The following CYP2C19 variants were observed in gnomAD, a reference collection of about 807,000 sequenced individuals.
The protein encoded by CYP2C19 is cytochrome P450 2C19.
Under a neutral mutation model 40.9 loss-of-function variants are expected in CYP2C19, and 59 were observed. The observed-to-expected ratio is 1.44, with a 90% CI of 1.17 to 1.79. The LOEUF is 1.79. CYP2C19 is among the 40% of genes most tolerant of loss of function. The probability of loss-of-function intolerance (pLI) is 0.00; values close to 1 mark genes in which losing one functional copy is unlikely to be tolerated. For synonymous variants in CYP2C19, 253 were observed against 208.7 expected, an observed-to-expected ratio of 1.21 and a Z score of -1.83; for missense variants, 754 against 596.9, an observed-to-expected ratio of 1.26 and a Z score of -2.74.
At position 94,853,331 on chromosome 10, in the gene CYP2C19, A is replaced by T. The variant is rs1273347908; in HGVS notation, c.*417A>T. 4 of 400,220 alleles carry T rather than the reference A, an allele frequency of 1.0e-5. No homozygotes were observed. Among genetic ancestry groups the T allele is most frequent in the African/African-American group, 6.6e-5 (3 of 45,536 alleles). 24.8% of individuals were successfully genotyped at this position (400,220 alleles called of 1,614,324 possible). A position where few individuals can be genotyped will look rare whatever the true frequency, so the allele number is the denominator to read the frequency against. ...AAATTAAAGAAAATAGAGTTCCAGG[A>T]GGCCATGCTGGTTCTCAAAACGATA... On this transcript the variant is annotated 3_prime_UTR_variant, in exon 9 of 9. Transcript: ENST00000371321.
At chr10:94,785,523 G>T (rs1848529777) in intron 5 of CYP2C19, among the ~76,000 whole-genome samples, 1 of 152,040 alleles carries the variant, frequency 6.6e-6, no homozygotes. Flanking sequence ...TGGTCTTGAT[G>T]TCTATCTTTA....
intron 6 of CYP2C19, 63 bp downstream of exon 6, chr10:94,820,700 G>A: frequency 6.3e-7 from 1 of 1,595,762 alleles, no homozygotes; most frequent in Non-Finnish European, 8.6e-7. Flanking sequence ...TGCTGCTAGT[G>A]TTCTCCTTTC....
intron 5 of CYP2C19, among the ~76,000 whole-genome samples, chr10:94,805,606 G>A (rs887721612): frequency 1.4e-4 from 21 of 152,132 alleles, no homozygotes; most frequent in South Asian, 4.1e-4. Context: ...ACTCTTGGCC[G>A]GGCATTGTAG....
In CYP2C19 at chr10:94,852,910, T is replaced by C. The variant is rs1232150515; in HGVS notation, c.1469T>C (p.Val490Ala). 1 of 1,613,936 alleles carries C rather than the reference T, an allele frequency of 6.2e-7. No homozygotes were observed. The highest frequency in any genetic ancestry group is 1.1e-5 in the South Asian group (1 of 91,080). Reference protein sequence around the residue: ...PPFYQLCFIPV With the variant: ...PPFYQLCFIPA ...TTCTATCAGCTGTGCTTCATTCCTG[T>C]CTGAAGAAGCACAGATGGTCTGGCT... Residue 490 changes from valine (V) to alanine (A), a missense_variant, in exon 9 of 9, where the codon GTC (valine) becomes GCC (alanine). Val to Ala is a moderately conservative substitution (Grantham distance 64). Transcript: ENST00000371321.
chr10:94,772,471 TTGTC>T (rs1165656718), intron 1 of CYP2C19, among the ~76,000 whole-genome samples: 1 of 152,058 alleles, frequency 6.6e-6, no homozygotes, highest in Non-Finnish European at 1.5e-5. Context: ...AAGAGGAAGT[TTGTC>T]TGGCAGGCAT....
chr10:94,801,807 C>T (rs557231158), intron 5 of CYP2C19, among the ~76,000 whole-genome samples: 9 of 152,262 alleles, frequency 5.9e-5, no homozygotes, highest in Non-Finnish European at 2.9e-5. Flanking sequence ...GGATAGTTAG[C>T]TCTTCTTGTT....
intron 6 of CYP2C19, among the ~76,000 whole-genome samples, chr10:94,820,865 A>G (rs1353844195): frequency 6.6e-6 from 1 of 152,166 alleles, no homozygotes; most frequent in East Asian, 1.9e-4. Flanking sequence ...TGGGTGGACC[A>G]TTGAGGCTAG....
At chr10:94,852,296 C>A (rs112811345) in intron 8 of CYP2C19, among the ~76,000 whole-genome samples, 3 of 152,130 alleles carry the variant, frequency 2.0e-5, no homozygotes, top group Non-Finnish European at 4.4e-5. Flanking sequence ...GGAAAAAAAT[C>A]TTTGGCTGCA....
rs1849713606 is a variant in CYP2C19, at chr10:94,855,211, A to G, written c.*2297A>G. ...CCCTTGTGATTACATGAAACCCACC[A>G]GTGTAATCTCTTCATGTCCAGACAT... is the stretch of plus-strand genomic sequence containing the variant. On this transcript the variant is annotated 3_prime_UTR_variant, in exon 9 of 9. Coordinates refer to ENST00000371321, the MANE Select transcript of CYP2C19 (RefSeq NM_000769.4). 6.6e-6 allele frequency among the ~76,000 whole-genome samples: 1 copy of G among 152,190 alleles called. No individual in the cohort carries two copies. Among genetic ancestry groups the G allele is most frequent in the Non-Finnish European group, 1.5e-5 (1 of 68,038 alleles).
Position 94,852,827 on chromosome 10 carries a change from T to A in CYP2C19, c.1386T>A (p.Ile462=). The A allele has an allele frequency of 6.2e-7, 1 of 1,614,122 alleles. No individual in the cohort carries two copies. Among genetic ancestry groups the A allele is most frequent in the Non-Finnish European group, 8.5e-7 (1 of 1,179,990 alleles). The part of the protein sequence containing the change: ...ILQNFNLKSL[I]DPKDLDTTPV... ...AGAACTTTAACCTGAAATCTCTGAT[T>A]GACCCAAAGGACCTTGACACAACTC... Residue 462 remains isoleucine, a synonymous_variant, in exon 9 of 9, where the codon ATT becomes ATA. Transcript: ENST00000371321.
intron 5 of CYP2C19, among the ~76,000 whole-genome samples, chr10:94,795,725 G>A (rs992642572): frequency 6.6e-6 from 1 of 152,022 alleles, no homozygotes; most frequent in African/African-American, 2.4e-5. Flanking sequence ...ATCTCATTGT[G>A]GTTTTGATTT....
At chr10:94,768,622 T>G (rs1222638678) in intron 1 of CYP2C19, among the ~76,000 whole-genome samples, 1 of 152,148 alleles carries the variant, frequency 6.6e-6, no homozygotes, top group Non-Finnish European at 1.5e-5. Flanking sequence ...GTCCAGACAG[T>G]GAGATCCTTT....
At chr10:94,766,640 T>G (rs986367328) in intron 1 of CYP2C19, among the ~76,000 whole-genome samples, 4 of 152,108 alleles carry the variant, frequency 2.6e-5, no homozygotes, top group African/African-American at 9.7e-5. Context: ...GGAAGGGGTT[T>G]TTCTTCAGGA....
At position 94,775,235 on chromosome 10, in the gene CYP2C19, G is replaced by C; in HGVS notation, c.331+15G>C. 6.2e-7 allele frequency: 1 copy of C among 1,614,002 alleles called. No individual in the cohort carries two copies. Among genetic ancestry groups the C allele is most frequent in the Non-Finnish European group, 8.5e-7 (1 of 1,180,026 alleles). ...CAGAGGATTTGGTAGGTGTGCAAGT[G>C]CCTGTTTCAGCATCTGTCTTGGGGA... is the stretch of plus-strand genomic sequence containing the variant. On this transcript the variant is annotated intron_variant, in intron 2 of 8. Coordinates refer to ENST00000371321, the MANE Select transcript of CYP2C19 (RefSeq NM_000769.4).
intron 8 of CYP2C19, among the ~76,000 whole-genome samples, chr10:94,851,168 G>C (rs1849647929): frequency 6.6e-6 from 1 of 152,076 alleles, no homozygotes; most frequent in Non-Finnish European, 1.5e-5. Context: ...AAGAATGGCT[G>C]GGAGGACTCA....
At chr10:94,809,312 C>G (rs769877370) in intron 5 of CYP2C19, among the ~76,000 whole-genome samples, 1 of 152,104 alleles carries the variant, frequency 6.6e-6, no homozygotes, top group Non-Finnish European at 1.5e-5. Flanking sequence ...GTTGTTTGAG[C>G]TCCTTATATA....
intron 1 of CYP2C19, among the ~76,000 whole-genome samples, chr10:94,769,856 G>C (rs1464852372): frequency 6.6e-6 from 1 of 152,062 alleles, no homozygotes; most frequent in Non-Finnish European, 1.5e-5. Context: ...GACAACAAAT[G>C]GGTAACTTGT....
chr10:94,813,226 T>C (rs889629829), intron 5 of CYP2C19, among the ~76,000 whole-genome samples: 7 of 152,126 alleles, frequency 4.6e-5, no homozygotes, highest in Non-Finnish European at 1.0e-4. Flanking sequence ...TTGCTGTGTG[T>C]TTATTCCTCT....
intron 5 of CYP2C19, among the ~76,000 whole-genome samples, chr10:94,784,899 G>A (rs1848521700): frequency 6.6e-6 from 1 of 151,916 alleles, no homozygotes; most frequent in Non-Finnish European, 1.5e-5. Flanking sequence ...TCTCATTGTG[G>A]TTTTAACTTG....
Sources: gnomAD v4.1 joint callset for allele counts (sites outside exome capture counted in the v4.1 genomes callset) on GRCh38, gnomAD v4.1.1 for gene constraint, MANE v1.5 for transcripts, NCBI Gene and HGNC (gene_info 2026-07-23, HGNC 2026-07-21) for gene names.